CHD9: variants seen among roughly 807,000 people sequenced by gnomAD.
The protein encoded by CHD9 is ATP-dependent chromatin remodeler CHD9.
A neutral mutation model predicts 316.1 loss-of-function variants in CHD9; 77 were observed. That is an observed-to-expected ratio of 0.24 (90% CI 0.20 to 0.29). The LOEUF is 0.29. Ranked by LOEUF, CHD9 falls within the 10% of genes least tolerant of loss-of-function variation. The pLI, the probability that CHD9 is intolerant of heterozygous loss-of-function variation, is 1.00. For synonymous variants in CHD9, 1,129 were observed against 1,158.3 expected, an observed-to-expected ratio of 0.97 and a Z score of 0.51; for missense variants, 2,763 against 3,438.1, an observed-to-expected ratio of 0.80 and a Z score of 4.91.
intron 2 of CHD9, among the ~76,000 whole-genome samples, chr16:53,170,052 T>G (rs1039482598): frequency 6.7e-5 from 10 of 149,998 alleles, no homozygotes; most frequent in Admixed American, 1.3e-4. Flanking sequence ...TTTTTTTGTT[T>G]TTTTTTGTTT....
intron 1 of CHD9, among the ~76,000 whole-genome samples, chr16:53,061,502 C>T (rs1421807860): frequency 6.6e-6 from 1 of 152,062 alleles, no homozygotes; most frequent in Non-Finnish European, 1.5e-5. Flanking sequence ...CGGAAATGAT[C>T]CCAGGAAGCC....
chr16:53,117,146 G>A (rs78481312), intron 1 of CHD9, among the ~76,000 whole-genome samples: 2 of 151,814 alleles, frequency 1.3e-5, no homozygotes, highest in East Asian at 3.9e-4. Context: ...TTAGGTGATG[G>A]GTCGATAGGT....
intron 38 of CHD9, among the ~76,000 whole-genome samples, chr16:53,322,177 A>T (rs922097074): frequency 2.6e-5 from 4 of 151,322 alleles, no homozygotes; most frequent in African/African-American, 7.3e-5. Flanking sequence ...TTGTATTTTT[A>T]GTAGAGACGA....
Position 53,227,390 on chromosome 16 carries a change from C to A in CHD9, c.2044-6C>A. ...TCTGTCATTATTTCTTTCCTCCCTC[C>A]CATAGGAGAATCCGAGTGAAGAAGA... On this transcript the variant is annotated splice_region_variant and splice_polypyrimidine_tract_variant and intron_variant, in intron 5 of 38. Coordinates refer to ENST00000447540, the MANE Select transcript of CHD9 (RefSeq NM_001308319.2). 1 of 1,549,224 alleles carries A rather than the reference C, an allele frequency of 6.5e-7. No homozygotes were observed. Among genetic ancestry groups the A allele is most frequent in the Non-Finnish European group, 8.7e-7 (1 of 1,143,332 alleles).
At chr16:53,134,799 T>C (rs954290584) in intron 1 of CHD9, among the ~76,000 whole-genome samples, 2 of 152,220 alleles carry the variant, frequency 1.3e-5, no homozygotes, top group African/African-American at 2.4e-5. Flanking sequence ...GTCATTCACA[T>C]CCATTTATTC....
At chr16:53,125,917 T>C (rs1337782220) in intron 1 of CHD9, among the ~76,000 whole-genome samples, 2 of 152,246 alleles carry the variant, frequency 1.3e-5, no homozygotes, top group Non-Finnish European at 2.9e-5. Flanking sequence ...TGTAATTTAT[T>C]TGCAAATATT....
intron 27 of CHD9, among the ~76,000 whole-genome samples, chr16:53,288,355 A>G (rs1301976437): frequency 6.6e-6 from 1 of 152,234 alleles, no homozygotes; most frequent in Non-Finnish European, 1.5e-5. Flanking sequence ...TGCAAGAGTT[A>G]GAAACTATAC....
chr16:53,284,887 TC>T (rs2053728055), intron 24 of CHD9, among the ~76,000 whole-genome samples: 1 of 152,142 alleles, frequency 6.6e-6, no homozygotes, highest in African/African-American at 2.4e-5. Context: ...CACCTCAGCC[TC>T]CCAAGTAGCT....
At chr16:53,301,461 C>T (rs890668660) in intron 30 of CHD9, among the ~76,000 whole-genome samples, 11 of 152,092 alleles carry the variant, frequency 7.2e-5, no homozygotes, top group Non-Finnish European at 1.5e-4. Context: ...GTATTTATGT[C>T]CTCACAATCC....
chr16:53,098,253 A>G lies in CHD9; in HGVS notation c.-165+43176A>G, dbSNP rs977870506. ...CACTTTGGGAGGCCGAGGCGGGTGGATCACCTGAGGTCAGGAGTTCAAGAC... is the reference window on the plus strand; with the variant it reads ...CACTTTGGGAGGCCGAGGCGGGTGGGTCACCTGAGGTCAGGAGTTCAAGAC... On this transcript the variant is annotated intron_variant, in intron 1 of 38. Transcript: ENST00000447540. Among the ~76,000 whole-genome samples, 4 of 152,140 alleles carry G rather than the reference A, an allele frequency of 2.6e-5. 1 individual carries two copies. Among genetic ancestry groups the G allele is most frequent in the East Asian group, 3.9e-4 (2 of 5,160 alleles).
At chr16:53,179,056 A>T (rs1350755582) in intron 2 of CHD9, among the ~76,000 whole-genome samples, 1 of 152,234 alleles carries the variant, frequency 6.6e-6, no homozygotes, top group Non-Finnish European at 1.5e-5. Context: ...TTGTCTTATG[A>T]ATACATATAT....
intron 17 of CHD9, 73 bp from the exon 18 acceptor site, chr16:53,254,365 A>G (rs890165876): frequency 2.8e-6 from 3 of 1,086,470 alleles, no homozygotes; most frequent in Non-Finnish European, 3.8e-6. Context: ...ATGTGTTTAT[A>G]TGCCATACAT....
chr16:53,263,145 G>T, intron 20 of CHD9, 48 bp downstream of exon 20: 2 of 1,370,744 alleles, frequency 1.5e-6, no homozygotes, highest in South Asian at 2.4e-5. Context: ...GGGATACTTT[G>T]GCAATAGTAT....
chr16:53,113,915 A>C (rs1483412586), intron 1 of CHD9, among the ~76,000 whole-genome samples: 1 of 151,946 alleles, frequency 6.6e-6, no homozygotes, highest in Non-Finnish European at 1.5e-5. Flanking sequence ...GATTTGTTGC[A>C]CAGGCTGGTC....
At position 53,227,577 on chromosome 16, in the gene CHD9, A is replaced by G; in HGVS notation, c.2142A>G (p.Glu714=). ...EISPGVMIDT[E]EFFVKYKNYS... The stretch of plus-strand genomic sequence containing the variant: ...CACCTGGAGTGATGATTGATACAGA[A>G]GAATTTTTTGTAAAATACAAGAATT... Residue 714 remains glutamate (E), a synonymous_variant, in exon 7 of 39, where the codon GAA becomes GAG. Coordinates refer to ENST00000447540, the MANE Select transcript of CHD9 (RefSeq NM_001308319.2). 7.3e-7 allele frequency: 1 copy of G among 1,378,420 alleles called. No individual in the cohort carries two copies. Among genetic ancestry groups the G allele is most frequent in the Non-Finnish European group, 9.7e-7 (1 of 1,031,578 alleles). 85.4% of individuals were successfully genotyped at this position (1,378,420 alleles called of 1,614,324 possible).
At chr16:53,264,214 A>G (rs2051421417) in intron 20 of CHD9, among the ~76,000 whole-genome samples, 1 of 152,138 alleles carries the variant, frequency 6.6e-6, no homozygotes, top group Non-Finnish European at 1.5e-5. Flanking sequence ...AGAATGTTAA[A>G]CAATTTTTTC....
chr16:53,148,541 T>C (rs1326695011), intron 1 of CHD9, among the ~76,000 whole-genome samples: 1 of 152,260 alleles, frequency 6.6e-6, no homozygotes, highest in African/African-American at 2.4e-5. Flanking sequence ...ATACCATTCC[T>C]GGTAGGTGTG....
intron 19 of CHD9, 98 bp from the exon 20 acceptor site, chr16:53,262,889 T>A: frequency 1.1e-6 from 1 of 950,558 alleles, no homozygotes; most frequent in African/African-American, 1.6e-5. Context: ...TGTATGAGTA[T>A]GCAGAATTCA....
At chr16:53,239,324 C>G (rs919039675) in intron 12 of CHD9, among the ~76,000 whole-genome samples, 3 of 152,088 alleles carry the variant, frequency 2.0e-5, no homozygotes, top group Non-Finnish European at 2.9e-5. Context: ...GTGGCTCACA[C>G]TTATAATCTT....
Sources: allele counts gnomAD v4.1 joint callset (sites outside exome capture counted in the v4.1 genomes callset), GRCh38; gene constraint gnomAD v4.1.1; transcripts MANE v1.5; gene names NCBI Gene and HGNC (gene_info 2026-07-23, HGNC 2026-07-21).